Variants in OSBPL10 observed in about 807,000 individuals in gnomAD.
OSBPL10 encodes the protein oxysterol binding protein like 10.
A neutral mutation model predicts 81.7 loss-of-function variants in OSBPL10; 49 were observed. The observed-to-expected ratio is 0.60, with a 90% confidence interval of 0.48 to 0.76. OSBPL10 has a LOEUF of 0.76. Ranked by LOEUF, OSBPL10 falls within the 30% of genes least tolerant of loss-of-function variation. The pLI, the probability that OSBPL10 is intolerant of heterozygous loss-of-function variation, is 0.00. For synonymous variants in OSBPL10, 419 were observed against 383.6 expected (o/e 1.09, Z -1.08); for missense variants, 923 against 987.8 (o/e 0.93, Z 0.88).
chr3:31,673,513 C>G (rs11718523), intron 8 of OSBPL10, among the ~76,000 whole-genome samples: 15,012 of 152,148 alleles, frequency 0.099, 867 homozygotes, highest in African/African-American at 0.16. Context: ...TCCCCACAGA[C>G]TTGGAGACTG....
At position 31,770,826 on chromosome 3, in the gene OSBPL10, G is replaced by A. The variant is rs567122746; in HGVS notation, c.730-22706C>T. On this transcript the variant is annotated intron_variant, in intron 4 of 11. Transcript: ENST00000396556. Reference sequence around the variant, plus strand: ...GAACTAGTTTTGAGCTCAGCTTCACGGAAAACTAACAATACATAATAAAAT... The same window carrying A: ...GAACTAGTTTTGAGCTCAGCTTCACAGAAAACTAACAATACATAATAAAAT... 4.2e-4 allele frequency among the ~76,000 whole-genome samples: 64 copies of A among 152,190 alleles called. 1 individual carries two copies. The South Asian group carries it at 7.7e-3, about 18-fold the overall frequency.
intron 3 of OSBPL10, among the ~76,000 whole-genome samples, chr3:31,830,527 G>A (rs1559483501): frequency 2.0e-5 from 3 of 152,038 alleles, no homozygotes; most frequent in Admixed American, 6.5e-5. Context: ...CACCATGGAC[G>A]CTCATGGAGC....
chr3:31,789,113 C>A (rs966955169), intron 4 of OSBPL10, among the ~76,000 whole-genome samples: 1 of 152,036 alleles, frequency 6.6e-6, no homozygotes, highest in East Asian at 1.9e-4. Context: ...TAAGTCACAG[C>A]GATTACAGGC....
chr3:31,863,803 T>C (rs953404702), intron 3 of OSBPL10, among the ~76,000 whole-genome samples: 1 of 152,020 alleles, frequency 6.6e-6, no homozygotes, highest in Non-Finnish European at 1.5e-5. Context: ...TAAAAAAAAA[T>C]TGTTATACTT....
intron 1 of OSBPL10, among the ~76,000 whole-genome samples, chr3:31,977,078 C>G (rs1698713369): frequency 6.6e-6 from 1 of 152,160 alleles, no homozygotes; most frequent in African/African-American, 2.4e-5. Flanking sequence ...GTAAGCACCT[C>G]AAACTGAACA....
intron 4 of OSBPL10, among the ~76,000 whole-genome samples, chr3:31,769,453 A>T (rs1327305679): frequency 1.2e-5 from 1 of 86,682 alleles, no homozygotes; most frequent in Non-Finnish European, 2.3e-5. Flanking sequence ...CTCAAAAAAA[A>T]AAAAACAAAA....
At chr3:31,989,473 A>C in intron 2 of OSBPL10, 1 of 1,614,234 alleles carries the variant, frequency 6.2e-7, no homozygotes, top group Non-Finnish European at 8.5e-7. Context: ...GACACAAATC[A>C]AAAAGTTGAC....
chr3:32,000,993 T>C (rs1227096971), intron 2 of OSBPL10, among the ~76,000 whole-genome samples: 2 of 152,108 alleles, frequency 1.3e-5, no homozygotes, highest in Admixed American at 1.3e-4. Context: ...TTGGAGCTGT[T>C]AGCAGCCATG....
chr3:32,039,256 G>T (rs763850900), intron 2 of OSBPL10, among the ~76,000 whole-genome samples: 7 of 151,928 alleles, frequency 4.6e-5, no homozygotes, highest in African/African-American at 7.3e-5. Flanking sequence ...AACCTGGGAG[G>T]TGGAGGTTGC....
intron 1 of OSBPL10, among the ~76,000 whole-genome samples, chr3:31,898,745 A>G (rs1379187998): frequency 6.6e-6 from 1 of 152,106 alleles, no homozygotes; most frequent in African/African-American, 2.4e-5. Context: ...CCCACAAAGA[A>G]GTCTTGTTTG....
chr3:31,871,125 C>T (rs1249943126), intron 3 of OSBPL10, among the ~76,000 whole-genome samples: 1 of 152,148 alleles, frequency 6.6e-6, no homozygotes, highest in African/African-American at 2.4e-5. Flanking sequence ...CGTTCCCGTC[C>T]CCTTCTGCAC....
chr3:31,968,016 TAC>T (rs1698450724), intron 1 of OSBPL10, among the ~76,000 whole-genome samples: 1 of 152,230 alleles, frequency 6.6e-6, no homozygotes, highest in Non-Finnish European at 1.5e-5. Flanking sequence ...ATTTCAAATT[TAC>T]AGAGAAGTTA....
upstream of OSBPL10, among the ~76,000 whole-genome samples, chr3:31,983,515 C>T (rs1698890573): frequency 6.6e-6 from 1 of 152,136 alleles, no homozygotes; most frequent in East Asian, 1.9e-4. Flanking sequence ...ATAGTCAAGG[C>T]CAGGATGGGG....
chr3:31,757,171 C>T (rs146006914), intron 4 of OSBPL10, among the ~76,000 whole-genome samples: 7 of 152,312 alleles, frequency 4.6e-5, no homozygotes, highest in African/African-American at 1.7e-4. Context: ...TCACCAAATT[C>T]ATATGCTGAA....
intron 1 of OSBPL10, among the ~76,000 whole-genome samples, chr3:31,940,980 T>TC (rs1055288931): frequency 6.6e-6 from 1 of 152,030 alleles, no homozygotes. Context: ...ACCATTTCCC[T>TC]CCCCAGAATG....
In OSBPL10 at chr3:31,917,010, AT is replaced by A. The variant is rs563141987; in HGVS notation, c.282-37181del. Among the ~76,000 whole-genome samples, 7 of 151,796 alleles carry A rather than the reference AT, an allele frequency of 4.6e-5. 1 individual carries two copies. In the East Asian group the frequency reaches 1.5e-3, roughly 32 times the overall value. ...ATCGATTTCAAGCCTCTCCAAAAGC[AT>A]TTCTTCTAAATAATGTGAGGCTGTG... On this transcript the variant is annotated intron_variant, in intron 1 of 11. Coordinates refer to ENST00000396556, the MANE Select transcript of OSBPL10 (RefSeq NM_017784.5).
At chr3:31,699,968 C>T (rs746492817) in intron 7 of OSBPL10, among the ~76,000 whole-genome samples, 39 of 152,104 alleles carry the variant, frequency 2.6e-4, no homozygotes, top group Middle Eastern at 3.2e-3. Context: ...TGGACAACTG[C>T]CAAGAAGAGA....
intron 6 of OSBPL10, among the ~76,000 whole-genome samples, chr3:31,717,813 T>C (rs1244754853): frequency 6.6e-6 from 1 of 152,224 alleles, no homozygotes; most frequent in Non-Finnish European, 1.5e-5. Flanking sequence ...AAACCCCAAA[T>C]GAGGCTCACT....
Position 31,676,394 on chromosome 3 carries a change from C to CTA in OSBPL10, c.1727-5412_1727-5411insTA, listed in dbSNP as rs752295970. Among the ~76,000 whole-genome samples the CTA allele has an allele frequency of 3.8e-3, 536 of 141,404 alleles. 6 individuals carry two copies. The highest frequency in any genetic ancestry group is 0.011 in the South Asian group (52 of 4,598). 92.8% of individuals were successfully genotyped at this position (141,404 alleles called of 152,430 possible). On this transcript the variant is annotated intron_variant, in intron 8 of 11. Transcript: ENST00000396556. ...CATTTGGCCTAACAGCTAAGAGAAGCCAAAAAAAAAAAAAACATCAAATAA... is the reference window on the plus strand; with the variant it reads ...CATTTGGCCTAACAGCTAAGAGAAGCTACAAAAAAAAAAAAAACATCAAATAA...
Sources: gnomAD v4.1 joint callset for allele counts (sites outside exome capture counted in the v4.1 genomes callset) on GRCh38, gnomAD v4.1.1 for gene constraint, MANE v1.5 for transcripts, NCBI Gene and HGNC (gene_info 2026-07-23, HGNC 2026-07-21) for gene names.